Variants in ADAMTSL3 observed in about 807,000 individuals in gnomAD.
ADAMTSL3 encodes the protein ADAMTS-like protein 3.
A neutral mutation model predicts 201.7 loss-of-function variants in ADAMTSL3; 128 were observed. The observed-to-expected ratio is 0.63, with a 90% CI of 0.55 to 0.73. The LOEUF is 0.73. Ranked by LOEUF, ADAMTSL3 falls within the 30% of genes least tolerant of loss-of-function variation. The probability of loss-of-function intolerance (pLI) is 0.00; values close to 1 mark genes in which losing one functional copy is unlikely to be tolerated. For missense variants in ADAMTSL3, 1,990 were observed against 2,119.6 expected (o/e 0.94, Z 1.20); for synonymous variants, 738 against 748.4 (o/e 0.99, Z 0.23).
chr15:83,776,309 G>A (rs2063073579), intron 4 of ADAMTSL3, among the ~76,000 whole-genome samples: 1 of 152,188 alleles, frequency 6.6e-6, no homozygotes. Context: ...TAATTCCCTT[G>A]ATGTGGGTAA....
At chr15:83,826,374 T>C (rs1161728641) in intron 6 of ADAMTSL3, among the ~76,000 whole-genome samples, 1 of 151,938 alleles carries the variant, frequency 6.6e-6, no homozygotes, top group Non-Finnish European at 1.5e-5. Flanking sequence ...TTTCCTACCT[T>C]GGCCCCTCAC....
intron 12 of ADAMTSL3, 53 bp downstream of exon 12, chr15:83,891,432 C>T: frequency 7.1e-7 from 1 of 1,405,400 alleles, no homozygotes; most frequent in Non-Finnish European, 1.0e-6. Flanking sequence ...TTGCAAGGAA[C>T]TGTAGCATCT....
intron 4 of ADAMTSL3, among the ~76,000 whole-genome samples, chr15:83,773,966 G>A (rs1229806649): frequency 1.3e-5 from 2 of 152,134 alleles, no homozygotes; most frequent in Non-Finnish European, 2.9e-5. Flanking sequence ...TCTGAGTTCT[G>A]CCCTTGGGTT....
At chr15:83,989,125 A>C (rs944039088) in intron 22 of ADAMTSL3, among the ~76,000 whole-genome samples, 1 of 151,892 alleles carries the variant, frequency 6.6e-6, no homozygotes, top group Non-Finnish European at 1.5e-5. Context: ...CTCGTGATCC[A>C]CCCGCCTTGG....
At chr15:83,854,183 A>G (rs1333452235) in intron 7 of ADAMTSL3, among the ~76,000 whole-genome samples, 1 of 152,112 alleles carries the variant, frequency 6.6e-6, no homozygotes, top group East Asian at 1.9e-4. Context: ...GAACTGGTCA[A>G]GGCTCACTCA....
At chr15:83,907,620 T>A (rs953258175) in intron 15 of ADAMTSL3, among the ~76,000 whole-genome samples, 16 of 152,270 alleles carry the variant, frequency 1.1e-4, no homozygotes, top group Middle Eastern at 3.4e-3. Flanking sequence ...GCCAGGCTGG[T>A]CTCAAACTCC....
intron 3 of ADAMTSL3, among the ~76,000 whole-genome samples, chr15:83,736,253 A>C (rs12148139): frequency 0.075 from 11,360 of 152,280 alleles, 500 homozygotes; most frequent in Non-Finnish European, 0.1. Flanking sequence ...TCAATGATTA[A>C]ATAATTATAA....
chr15:83,741,843 C>A (rs550382759), intron 3 of ADAMTSL3, among the ~76,000 whole-genome samples: 15 of 152,132 alleles, frequency 9.9e-5, no homozygotes, highest in Middle Eastern at 3.4e-3. Flanking sequence ...CAAACAAAAT[C>A]AAAAATTAGC....
chr15:83,850,355 G>A (rs1221450764), intron 7 of ADAMTSL3, among the ~76,000 whole-genome samples: 2 of 151,458 alleles, frequency 1.3e-5, no homozygotes, highest in East Asian at 3.9e-4. Context: ...TATGACCAGC[G>A]GGTCTCTTCC....
chr15:83,766,375 A>T (rs2062891316), intron 3 of ADAMTSL3, among the ~76,000 whole-genome samples: 1 of 152,268 alleles, frequency 6.6e-6, no homozygotes, highest in Non-Finnish European at 1.5e-5. Context: ...AATGCATGTG[A>T]GTTCATGAAC....
intron 10 of ADAMTSL3, among the ~76,000 whole-genome samples, chr15:83,888,494 T>C (rs2141880224): frequency 6.6e-6 from 1 of 152,296 alleles, no homozygotes; most frequent in African/African-American, 2.4e-5. Context: ...AAGGAAAACA[T>C]TACCAAAATT....
intron 5 of ADAMTSL3, among the ~76,000 whole-genome samples, chr15:83,813,471 C>T (rs1323880291): frequency 2.6e-5 from 4 of 152,174 alleles, no homozygotes; most frequent in African/African-American, 7.2e-5. Context: ...GTTATGAAAT[C>T]TAGTTGTAAT....
Position 83,982,826 on chromosome 15 carries a change from T to C in ADAMTSL3, c.3198T>C (p.Ser1066=), listed in dbSNP as rs375001607. The change falls in exon 21 of 30, where the codon TCT becomes TCC. Residue 1066 remains serine (S), a synonymous_variant. Transcript: ENST00000286744. ...CTCTGTTAGGCCACTGCAGCAATTCTGCAGGAAGCACCAACTCCTGGGAGT... is the reference window on the plus strand; with the variant it reads ...CTCTGTTAGGCCACTGCAGCAATTCCGCAGGAAGCACCAACTCCTGGGAGT... ...LRALLGHCSN[S]AGSTNSWELK... The C allele has an allele frequency of 9.9e-6, 16 of 1,614,182 alleles. No individual in the cohort carries two copies. Among genetic ancestry groups the C allele is most frequent in the African/African-American group, 1.3e-5 (1 of 75,060 alleles).
chr15:83,775,528 T>A (rs1030969343), intron 4 of ADAMTSL3, among the ~76,000 whole-genome samples: 8 of 152,210 alleles, frequency 5.3e-5, no homozygotes, highest in African/African-American at 1.7e-4. Flanking sequence ...CCAAGTGATA[T>A]ATCTCCAGAA....
At chr15:83,966,121 A>G (rs1417319934) in intron 19 of ADAMTSL3, among the ~76,000 whole-genome samples, 1 of 152,182 alleles carries the variant, frequency 6.6e-6, no homozygotes. Context: ...CAATTAAAAG[A>G]ACTAGAGAAG....
In ADAMTSL3 at chr15:83,763,695, C is replaced by T. The variant is rs552246613; in HGVS notation, c.190-9828C>T. On this transcript the variant is annotated intron_variant, in intron 3 of 29. Transcript: ENST00000286744. ...AATTTTTTTGTATATTTAGTAGAGA[C>T]GAGGTTTCACCCTGTTAGCCAGGAT... Among the ~76,000 whole-genome samples, 70 of 152,128 alleles carry T rather than the reference C, an allele frequency of 4.6e-4. 1 individual carries two copies. The highest frequency in any genetic ancestry group is 1.3e-3 in the African/African-American group (56 of 41,504).
chr15:83,970,350 C>G, intron 19 of ADAMTSL3, 134 bp from the exon 20 acceptor site: 1 of 962,304 alleles, frequency 1.0e-6, no homozygotes, highest in Non-Finnish European at 1.6e-6. Flanking sequence ...ATGTTCAAGC[C>G]TAGGAAATGG....
chr15:83,842,849 G>T lies in ADAMTSL3; in HGVS notation c.727+4634G>T, dbSNP rs527859141. Among the ~76,000 whole-genome samples, 20 of 152,300 alleles carry T rather than the reference G, an allele frequency of 1.3e-4. No individual in the cohort carries two copies. In the Middle Eastern group the frequency reaches 0.01, roughly 78 times the overall value. ...CCAGATCCCGGTGTAATGGAAGTAC[G>T]TAGAGTTAGTGTTGGCCTTAGAAAG... On this transcript the variant is annotated intron_variant, in intron 7 of 29. Coordinates refer to ENST00000286744, the MANE Select transcript of ADAMTSL3 (RefSeq NM_207517.3).
rs759022804 is a variant in ADAMTSL3, at chr15:83,983,006, C to G, written c.3378C>G (p.Ala1126=). 2.5e-6 allele frequency: 4 copies of G among 1,613,974 alleles called. No individual in the cohort carries two copies. In the South Asian group the frequency reaches 3.3e-5, roughly 13 times the overall value. Reference sequence around the variant, plus strand: ...CCCAGCTGATATATCAGCTGGTGGCCGAATTAGCCAAGGCACAGCCAACAC... The same window carrying G: ...CCCAGCTGATATATCAGCTGGTGGCGGAATTAGCCAAGGCACAGCCAACAC... The part of the protein sequence containing the change: ...LASQLIYQLV[A]ELAKAQPTHM... Residue 1126 remains alanine (A), a synonymous_variant, in exon 21 of 30, where the codon GCC becomes GCG. Coordinates refer to ENST00000286744, the MANE Select transcript of ADAMTSL3 (RefSeq NM_207517.3).
Sources: allele counts gnomAD v4.1 joint callset (sites outside exome capture counted in the v4.1 genomes callset), GRCh38; gene constraint gnomAD v4.1.1; transcripts MANE v1.5; gene names NCBI Gene and HGNC (gene_info 2026-07-23, HGNC 2026-07-21).